The following CHGA variants were observed in gnomAD, a reference collection of about 807,000 sequenced individuals.
CHGA encodes chromogranin A.
CHGA carries 41 observed loss-of-function variants against 54.4 expected under a neutral mutation model. The ratio of observed to expected loss-of-function variants is 0.75; its 90% confidence interval spans 0.59 to 0.98. The LOEUF (loss-of-function observed/expected upper bound fraction) is 0.98, where lower values mean the gene tolerates loss of function less well. Ranked by LOEUF, CHGA falls within the 50% of genes least tolerant of loss-of-function variation. The probability of loss-of-function intolerance (pLI) is 0.00; values close to 1 mark genes in which losing one functional copy is unlikely to be tolerated. For synonymous variants in CHGA, 249 were observed against 232.8 expected (o/e 1.07, Z -0.63); for missense variants, 576 against 582.3 (o/e 0.99, Z 0.11).
intron 2 of CHGA, chr14:92,926,320 A>G: frequency 2.3e-6 from 1 of 437,700 alleles, no homozygotes; most frequent in Non-Finnish European, 4.1e-6. Context: ...ACCAGGTACC[A>G]TTCCCTACAC....
In CHGA at chr14:92,926,706, C is replaced by G. The variant is rs1455215111; in HGVS notation, c.187+8C>G. 6.2e-7 allele frequency: 1 copy of G among 1,613,062 alleles called. No individual in the cohort carries two copies. The highest frequency in any genetic ancestry group is 8.5e-7 in the Non-Finnish European group (1 of 1,179,214). On this transcript the variant is annotated splice_region_variant and intron_variant, in intron 3 of 7. Coordinates refer to ENST00000216492, the MANE Select transcript of CHGA (RefSeq NM_001275.4). The stretch of plus-strand genomic sequence containing the variant: ...TTGAGACACTCCGAGGAGGTATGAG[C>G]TGGAGGCTAGGGGTGAGGGCTGCTG...
At chr14:92,922,732 T>C (rs9658635), upstream of CHGA, among the ~76,000 whole-genome samples, 43,737 of 152,074 alleles carry the variant, frequency 0.29, 6,674 homozygotes, top group East Asian at 0.4. Flanking sequence ...CCATGAGTGA[T>C]GGGCATGCCT....
chr14:92,928,222 G>A (rs1886925165), intron 4 of CHGA, among the ~76,000 whole-genome samples: 2 of 152,194 alleles, frequency 1.3e-5, no homozygotes, highest in South Asian at 2.1e-4. Flanking sequence ...GCTTCCCAAC[G>A]AAGCGAGAGT....
chr14:92,934,522 C>T (rs1246170494), intron 7 of CHGA, among the ~76,000 whole-genome samples: 1 of 152,194 alleles, frequency 6.6e-6, no homozygotes, highest in Non-Finnish European at 1.5e-5. Context: ...GAACAGACTC[C>T]CACCTGTGCG....
At chr14:92,931,036 C>G (rs575872126) in intron 5 of CHGA, among the ~76,000 whole-genome samples, 4 of 152,190 alleles carry the variant, frequency 2.6e-5, no homozygotes, top group Non-Finnish European at 5.9e-5. Flanking sequence ...GAATAATAAC[C>G]TGTTTTAAAA....
intron 2 of CHGA, among the ~76,000 whole-genome samples, chr14:92,925,710 G>C (rs1886873532): frequency 1.3e-5 from 2 of 152,164 alleles, no homozygotes. Flanking sequence ...CCCTCCCTGG[G>C]CGTGCTGACA....
At chr14:92,923,613 A>G (rs1293681458) in intron 1 of CHGA, among the ~76,000 whole-genome samples, 1 of 152,106 alleles carries the variant, frequency 6.6e-6, no homozygotes, top group Non-Finnish European at 1.5e-5. Context: ...CCTGACTCCC[A>G]ACCCCCCGGG....
Position 92,932,306 on chromosome 14 carries a change from G to A in CHGA, c.809-64G>A. The A allele has an allele frequency of 6.7e-7, 1 of 1,498,350 alleles. No individual in the cohort carries two copies. Among genetic ancestry groups the A allele is most frequent in the Non-Finnish European group, 8.9e-7 (1 of 1,120,560 alleles). 92.8% of individuals were successfully genotyped at this position (1,498,350 alleles called of 1,614,324 possible). A position where few individuals can be genotyped will look rare whatever the true frequency, so the allele number is the denominator to read the frequency against. On this transcript the variant is annotated intron_variant, in intron 6 of 7. Coordinates refer to ENST00000216492, the MANE Select transcript of CHGA (RefSeq NM_001275.4). This position sits in a 1 kb window ranked among gnomAD's most constrained non-coding sequence, Gnocchi z 5.3. ...CCGCAGCAGAGGCCCCCAGGGAGTG[G>A]CAGAGACTGGGAAAATGGTGGTCCC...
chr14:92,932,517 G>A lies in CHGA; in HGVS notation c.956G>A (p.Gly319Asp), dbSNP rs1715351989. 2 of 1,553,840 alleles carry A rather than the reference G, an allele frequency of 1.3e-6. No individual in the cohort carries two copies. Among genetic ancestry groups the A allele is most frequent in the Admixed American group, 2.0e-5 (1 of 51,128 alleles). The stretch of plus-strand genomic sequence containing the variant: ...GTGGTCCCGCAAGGCCTCTTCCGGG[G>A]TGGGAAGAGCGGAGAGCTGGAGCAG... ...MAVVPQGLFR[G>D]GKSGELEQEE... The change falls in exon 7 of 8, where the codon GGT becomes GAT. Residue 319 changes from glycine to aspartate, a missense_variant. Gly to Asp is a moderately conservative substitution (Grantham distance 94). Coordinates refer to ENST00000216492, the MANE Select transcript of CHGA (RefSeq NM_001275.4). The surrounding 1 kb of genome is among the most constrained non-coding windows in gnomAD (Gnocchi z 5.3).
intron 2 of CHGA, 90 bp from the exon 3 acceptor site, chr14:92,926,515 C>CT: frequency 1.9e-6 from 2 of 1,042,886 alleles, no homozygotes; most frequent in South Asian, 2.6e-5. Flanking sequence ...CAAATACCCT[C>CT]TGTCCTCACT....
chr14:92,927,252 A>C (rs965441436), intron 3 of CHGA, among the ~76,000 whole-genome samples: 1 of 152,222 alleles, frequency 6.6e-6, no homozygotes, highest in Admixed American at 6.5e-5. Context: ...GAACACAGGC[A>C]TGGAGATGGG....
In CHGA at chr14:92,926,591, C is replaced by T; in HGVS notation, c.94-14C>T. On this transcript the variant is annotated splice_polypyrimidine_tract_variant and intron_variant, in intron 2 of 7. Transcript: ENST00000216492. Reference sequence around the variant, plus strand: ...TCAAACCAGCCCCAACCTGCCCCTGCACTGTGTTCCCAGGTGATGAAATGC... The same window carrying T: ...TCAAACCAGCCCCAACCTGCCCCTGTACTGTGTTCCCAGGTGATGAAATGC... The T allele has an allele frequency of 6.2e-7, 1 of 1,612,834 alleles. No individual in the cohort carries two copies.
At chr14:92,924,101 G>A in intron 1 of CHGA, 98 bp from the exon 2 acceptor site, 3 of 1,347,436 alleles carry the variant, frequency 2.2e-6, no homozygotes, top group African/African-American at 1.5e-5. Context: ...GTTTTGAGGG[G>A]TGGCATTGGG....
chr14:92,935,173 C>T lies in CHGA; in HGVS notation c.*289C>T, dbSNP rs1887099149. 3 of 419,924 alleles carry T rather than the reference C, an allele frequency of 7.1e-6. No individual in the cohort carries two copies. Among genetic ancestry groups the T allele is most frequent in the South Asian group, 4.9e-5 (1 of 20,248 alleles). 26.0% of individuals were successfully genotyped at this position (419,924 alleles called of 1,614,324 possible). ...AGTTTCCCTTCCTCCATCCTATCCA[C>T]TGGGCACAACTGCAATAACTTCTGA... On this transcript the variant is annotated 3_prime_UTR_variant, in exon 8 of 8. Transcript: ENST00000216492.
intron 7 of CHGA, 182 bp downstream of exon 7, chr14:92,933,033 C>T (rs1887045764): frequency 1.1e-6 from 1 of 883,206 alleles, no homozygotes; most frequent in Non-Finnish European, 1.6e-6. Flanking sequence ...ACAGGGGGCA[C>T]CCAGCAAAGC....
At chr14:92,925,111 G>T (rs1252156690) in intron 2 of CHGA, among the ~76,000 whole-genome samples, 1 of 152,202 alleles carries the variant, frequency 6.6e-6, no homozygotes, top group East Asian at 1.9e-4. Context: ...CTAGCTGTGT[G>T]ACCTTGGGAA....
intron 5 of CHGA, 125 bp from the exon 6 acceptor site, chr14:92,931,125 G>A (rs1044986432): frequency 6.5e-6 from 6 of 925,582 alleles, no homozygotes; most frequent in South Asian, 3.5e-5. Flanking sequence ...AACCCTAATC[G>A]TTGTCCTGGG....
chr14:92,931,998 G>A, intron 6 of CHGA: 1 of 466,614 alleles, frequency 2.1e-6, no homozygotes, highest in East Asian at 3.4e-5. Context: ...AGGGGTGGGT[G>A]ATGGGTGGGC....
At chr14:92,924,095 T>G in intron 1 of CHGA, 104 bp from the exon 2 acceptor site, 3 of 1,311,734 alleles carry the variant, frequency 2.3e-6, no homozygotes, top group Non-Finnish European at 3.2e-6. Context: ...GGGGCAGTTT[T>G]GAGGGGTGGC....
Sources: gnomAD v4.1 joint callset for allele counts (sites outside exome capture counted in the v4.1 genomes callset) on GRCh38, gnomAD v4.1.1 for gene constraint, Gnocchi (gnomAD v3.1) non-coding constraint, MANE v1.5 for transcripts, NCBI Gene and HGNC (gene_info 2026-07-23, HGNC 2026-07-21) for gene names.